The following IQCM variants were observed in gnomAD, a reference collection of about 807,000 sequenced individuals.
IQCM encodes IQ motif containing M.
A neutral mutation model predicts 57.6 loss-of-function variants in IQCM; 45 were observed. The observed-to-expected ratio is 0.78, with a 90% CI of 0.62 to 1.00. The LOEUF is 1.00. Ranked by LOEUF, IQCM falls within the 50% of genes least tolerant of loss-of-function variation. IQCM has a pLI of 0.00. For synonymous variants in IQCM, 148 were observed against 158.9 expected (o/e 0.93, Z 0.51); for missense variants, 468 against 511.6 (o/e 0.91, Z 0.82).
intron 2 of IQCM, among the ~76,000 whole-genome samples, chr4:149,806,321 G>A (rs75277001): frequency 0.029 from 4,356 of 151,714 alleles, 216 homozygotes; most frequent in African/African-American, 0.099. Flanking sequence ...CTTATTTTAC[G>A]TGTCAAGAAC....
intron 2 of IQCM, among the ~76,000 whole-genome samples, chr4:149,791,308 A>AG (rs1410365645): frequency 2.0e-5 from 3 of 152,198 alleles, no homozygotes; most frequent in Non-Finnish European, 4.4e-5. Context: ...GATGCATAAT[A>AG]GTTGTACACT....
At chr4:149,798,342 G>T in intron 2 of IQCM, among the ~76,000 whole-genome samples, 1 of 151,766 alleles carries the variant, frequency 6.6e-6, no homozygotes, top group East Asian at 1.9e-4. Context: ...AGCATACAAT[G>T]AATACACAAA....
At chr4:149,517,746 G>C (rs1361121811) in intron 12 of IQCM, among the ~76,000 whole-genome samples, 1 of 152,146 alleles carries the variant, frequency 6.6e-6, no homozygotes, top group Non-Finnish European at 1.5e-5. Context: ...AGAATATAGA[G>C]CAGGCAGAAA....
intron 5 of IQCM, among the ~76,000 whole-genome samples, chr4:149,688,873 T>C (rs1762742373): frequency 6.6e-6 from 1 of 152,012 alleles, no homozygotes; most frequent in Admixed American, 6.6e-5. Context: ...TTTCAACAAA[T>C]GGTGCTGGGA....
At chr4:149,600,828 A>C (rs1187655073) in intron 8 of IQCM, among the ~76,000 whole-genome samples, 1 of 152,222 alleles carries the variant, frequency 6.6e-6, no homozygotes, top group Non-Finnish European at 1.5e-5. Context: ...GAAACTGTCC[A>C]GATTAATCCA....
At chr4:149,696,884 G>A (rs1763379625) in intron 5 of IQCM, among the ~76,000 whole-genome samples, 1 of 152,068 alleles carries the variant, frequency 6.6e-6, no homozygotes. Context: ...AACAAGATAG[G>A]GTCAATCTCA....
Position 149,673,915 on chromosome 4 carries a change from G to A in IQCM, c.565+8203C>T, listed in dbSNP as rs552866681. Among the ~76,000 whole-genome samples the A allele has an allele frequency of 3.9e-5, 6 of 152,078 alleles. No individual in the cohort carries two copies. The South Asian group carries it at 6.2e-4, about 16-fold the overall frequency. Reference sequence around the variant, plus strand: ...GAGAGTTCTAGGCCACCAGAAATACGTATGAGCCATGAAAGCAAACTCTAA... The same window carrying A: ...GAGAGTTCTAGGCCACCAGAAATACATATGAGCCATGAAAGCAAACTCTAA... On this transcript the variant is annotated intron_variant, in intron 7 of 13. Transcript: ENST00000636793.
intron 2 of IQCM, among the ~76,000 whole-genome samples, chr4:149,785,447 A>T (rs1255683682): frequency 6.6e-6 from 1 of 152,216 alleles, no homozygotes; most frequent in Non-Finnish European, 1.5e-5. Context: ...CATCAATTTA[A>T]ATAATTTATT....
chr4:149,393,019 T>C (rs1053625147), intron 13 of IQCM, among the ~76,000 whole-genome samples: 1 of 151,560 alleles, frequency 6.6e-6, no homozygotes, highest in African/African-American at 2.4e-5. Context: ...AATAAAAACA[T>C]AAAAACATAG....
chr4:149,566,222 T>C (rs1200292695), intron 9 of IQCM, among the ~76,000 whole-genome samples: 1 of 152,128 alleles, frequency 6.6e-6, no homozygotes, highest in African/African-American at 2.4e-5. Context: ...TACTATGAAA[T>C]CTAAGAGATT....
At position 149,704,347 on chromosome 4, in the gene IQCM, G is replaced by A. The variant is rs539431979; in HGVS notation, c.386-17879C>T. ...GTTAGAACAGGGATTGGCAAACCACGGTCTGGGCCTAATCCAGCCCATCGC... is the reference window on the plus strand; with the variant it reads ...GTTAGAACAGGGATTGGCAAACCACAGTCTGGGCCTAATCCAGCCCATCGC... On this transcript the variant is annotated intron_variant, in intron 5 of 13. Transcript: ENST00000636793. Among the ~76,000 whole-genome samples the A allele has an allele frequency of 1.1e-4, 16 of 151,854 alleles. No individual in the cohort carries two copies. The East Asian group carries it at 2.3e-3, about 22-fold the overall frequency.
chr4:149,634,645 C>A lies in IQCM; in HGVS notation c.566-13401G>T, dbSNP rs73859786. Among the ~76,000 whole-genome samples the A allele has an allele frequency of 6.7e-3, 1,016 of 152,216 alleles. 8 individuals carry two copies. The highest frequency in any genetic ancestry group is 0.023 in the African/African-American group (960 of 41,512). On this transcript the variant is annotated intron_variant, in intron 7 of 13. Transcript: ENST00000636793. ...CATTCTGCAAACTTATAACAAAAGC[C>A]TTTAACCTTTTAAAAGATGGAAGCA...
intron 13 of IQCM, among the ~76,000 whole-genome samples, chr4:149,410,182 AAAACAAACAAACAAAC>A (rs533165074): frequency 6.6e-6 from 1 of 152,034 alleles, no homozygotes; most frequent in Non-Finnish European, 1.5e-5. Flanking sequence ...GGCTCCATTT[AAAACAAACAAACAAAC>A]AAACAAACAA....
intron 5 of IQCM, among the ~76,000 whole-genome samples, chr4:149,729,560 C>T (rs1366760319): frequency 4.6e-5 from 7 of 151,848 alleles, no homozygotes; most frequent in South Asian, 2.1e-4. Flanking sequence ...CTGCAACCTC[C>T]GCTTCCCAGG....
intron 7 of IQCM, among the ~76,000 whole-genome samples, chr4:149,674,556 T>C (rs1170764952): frequency 6.6e-6 from 1 of 152,128 alleles, no homozygotes; most frequent in Admixed American, 6.6e-5. Context: ...TAGTCAGGGA[T>C]GGCCTTACTG....
chr4:149,430,926 G>A (rs987034553), intron 13 of IQCM, among the ~76,000 whole-genome samples: 2 of 151,608 alleles, frequency 1.3e-5, no homozygotes, highest in African/African-American at 4.8e-5. Context: ...TTGACCAGGC[G>A]CAGTAGCTCA....
intron 2 of IQCM, among the ~76,000 whole-genome samples, chr4:149,808,047 T>C (rs1448926499): frequency 6.6e-6 from 1 of 152,232 alleles, no homozygotes; most frequent in East Asian, 1.9e-4. Context: ...TACCATATGA[T>C]CCAGCAATTC....
At chr4:149,386,517 C>T (rs1731437950) in intron 13 of IQCM, among the ~76,000 whole-genome samples, 2 of 152,086 alleles carry the variant, frequency 1.3e-5, no homozygotes, top group South Asian at 4.2e-4. Flanking sequence ...AAAGTGCATA[C>T]TGCAATTGTC....
intron 5 of IQCM, among the ~76,000 whole-genome samples, chr4:149,719,029 T>G (rs1429176437): frequency 6.6e-6 from 1 of 152,198 alleles, no homozygotes; most frequent in Non-Finnish European, 1.5e-5. Context: ...AGTGAAATTT[T>G]TCCAAGAATG....
Sources: allele counts gnomAD v4.1 joint callset (sites outside exome capture counted in the v4.1 genomes callset), GRCh38; gene constraint gnomAD v4.1.1; transcripts MANE v1.5; gene names NCBI Gene and HGNC (gene_info 2026-07-23, HGNC 2026-07-21).